Variants in EXOC5 observed in about 807,000 individuals in gnomAD.
EXOC5 encodes SEC10-like 1.
Under a neutral mutation model 90.8 loss-of-function variants are expected in EXOC5, and 17 were observed. The ratio of observed to expected loss-of-function variants is 0.19; its 90% confidence interval spans 0.13 to 0.28. The LOEUF (loss-of-function observed/expected upper bound fraction) is 0.28, where lower values mean the gene tolerates loss of function less well. EXOC5 is among the 10% of genes least tolerant of loss of function. The pLI is 1.00. For missense variants in EXOC5, 569 were observed against 830.6 expected (o/e 0.69, Z 3.87); for synonymous variants, 260 against 270.0 (o/e 0.96, Z 0.36).
At chr14:57,262,745 G>GTATGTATATATATACGTATATATATA (rs1884552649) in intron 1 of EXOC5, among the ~76,000 whole-genome samples, 1 of 147,036 alleles carries the variant, frequency 6.8e-6, no homozygotes, top group African/African-American at 2.6e-5. Flanking sequence ...ATATATGTGT[G>GTATGTATATATATACGTATATATATA]TGTGTATATA....
At position 57,268,429 on chromosome 14, in the gene EXOC5, G is replaced by A; in HGVS notation, c.27+193C>T. Reference sequence around the variant, plus strand: ...GCCGACCGGCCGCCCAGCCCACCTCGGCCCCAAGCACCCCTCCCCCATTTC... The same window carrying A: ...GCCGACCGGCCGCCCAGCCCACCTCAGCCCCAAGCACCCCTCCCCCATTTC... On this transcript the variant is annotated intron_variant, in intron 1 of 17. Transcript: ENST00000621441. The A allele has an allele frequency of 3.5e-6, 5 of 1,439,888 alleles. No homozygotes were observed. The South Asian group carries it at 5.6e-5, about 16-fold the overall frequency. The allele number at this position is 1,439,888 out of a possible 1,614,324, so 89.2% of individuals were successfully genotyped here.
In EXOC5 at chr14:57,262,566, A is replaced by G. The variant is rs529803946; in HGVS notation, c.27+6056T>C. On this transcript the variant is annotated intron_variant, in intron 1 of 17. Coordinates refer to ENST00000621441, the MANE Select transcript of EXOC5 (RefSeq NM_006544.4). ...TGTGTGTGTGTGTGTGTGTGTGTGT[A>G]TATATATATACGTATATATATACAC... 3.9e-3 allele frequency among the ~76,000 whole-genome samples: 550 copies of G among 139,426 alleles called. 5 individuals are homozygous for G. Among genetic ancestry groups the G allele is most frequent in the Non-Finnish European group, 6.2e-3 (392 of 63,380 alleles). The allele number at this position is 139,426 out of a possible 152,430, so 91.5% of individuals were successfully genotyped here. A position where few individuals can be genotyped will look rare whatever the true frequency, so the allele number is the denominator to read the frequency against.
At chr14:57,263,850 C>T (rs1884591499) in intron 1 of EXOC5, among the ~76,000 whole-genome samples, 1 of 151,886 alleles carries the variant, frequency 6.6e-6, no homozygotes, top group South Asian at 2.1e-4. Context: ...ACATACACAT[C>T]CTAACTCTTC....
At chr14:57,222,245 G>T in intron 13 of EXOC5, 63 bp downstream of exon 13, 3 of 757,540 alleles carry the variant, frequency 4.0e-6, no homozygotes, top group Non-Finnish European at 6.6e-6. Context: ...ACAACATTAT[G>T]CATATAGTTT....
In EXOC5 at chr14:57,222,520, G is replaced by C. The variant is rs1404553259; in HGVS notation, c.1297-104C>G. 7.1e-6 allele frequency: 4 copies of C among 560,678 alleles called. No homozygotes were observed. The East Asian group carries it at 1.2e-4, about 17-fold the overall frequency. 34.7% of individuals were successfully genotyped at this position (560,678 alleles called of 1,614,324 possible). A position where few individuals can be genotyped will look rare whatever the true frequency, so the allele number is the denominator to read the frequency against. Reference sequence around the variant, plus strand: ...TTTATAGGATGTAGTCAGTGTTTCAGGTATGAAAATAACTCACAGCTCCCC... The same window carrying C: ...TTTATAGGATGTAGTCAGTGTTTCACGTATGAAAATAACTCACAGCTCCCC... On this transcript the variant is annotated intron_variant, in intron 12 of 17. Transcript: ENST00000621441.
At chr14:57,248,639 T>C (rs753624783) in intron 1 of EXOC5, among the ~76,000 whole-genome samples, 1 of 152,082 alleles carries the variant, frequency 6.6e-6, no homozygotes. Context: ...ATTTACATAC[T>C]TTTCATACTA....
intron 15 of EXOC5, among the ~76,000 whole-genome samples, chr14:57,216,206 A>G (rs183588026): frequency 1.3e-5 from 2 of 151,998 alleles, no homozygotes; most frequent in Admixed American, 6.6e-5. Context: ...GAATATTGTT[A>G]ACCTGTCCAT....
intron 12 of EXOC5, among the ~76,000 whole-genome samples, chr14:57,224,157 T>TA (rs1292473151): frequency 6.6e-6 from 1 of 151,084 alleles, no homozygotes; most frequent in Non-Finnish European, 1.5e-5. Context: ...CTTAGAAAAC[T>TA]AAAAAAACAG....
intron 16 of EXOC5, 69 bp downstream of exon 16, chr14:57,209,884 C>T (rs538240200): frequency 1.7e-6 from 2 of 1,199,314 alleles, no homozygotes; most frequent in South Asian, 2.8e-5. Context: ...AGAAAAAAAT[C>T]TAGGGCACAG....
Position 57,246,867 on chromosome 14 carries a change from G to C in EXOC5, c.123-9C>G. The C allele has an allele frequency of 2.0e-6, 3 of 1,532,334 alleles. No individual in the cohort carries two copies. Among genetic ancestry groups the C allele is most frequent in the Non-Finnish European group, 1.8e-6 (2 of 1,118,440 alleles). The allele number at this position is 1,532,334 out of a possible 1,614,324, so 94.9% of individuals were successfully genotyped here. ...CAAATTCTTCTAATAATCTAACAGA[G>C]GAAAGTTTGAATATGTATCAATCTA... is the stretch of plus-strand genomic sequence containing the variant. On this transcript the variant is annotated splice_polypyrimidine_tract_variant and intron_variant, in intron 2 of 17. Coordinates refer to ENST00000621441, the MANE Select transcript of EXOC5 (RefSeq NM_006544.4).
intron 15 of EXOC5, among the ~76,000 whole-genome samples, chr14:57,210,420 G>A (rs1041311641): frequency 2.0e-5 from 3 of 152,102 alleles, no homozygotes; most frequent in African/African-American, 4.8e-5. Context: ...GGGACCAGAA[G>A]TGTTTTGGAT....
intron 1 of EXOC5, among the ~76,000 whole-genome samples, chr14:57,260,848 G>A (rs1485930825): frequency 2.6e-5 from 4 of 152,116 alleles, no homozygotes; most frequent in Non-Finnish European, 5.9e-5. Flanking sequence ...TTTATAGACT[G>A]TGAAATTACT....
At chr14:57,220,107 T>C (rs1299141302) in intron 13 of EXOC5, among the ~76,000 whole-genome samples, 1 of 152,050 alleles carries the variant, frequency 6.6e-6, no homozygotes, top group Admixed American at 6.6e-5. Flanking sequence ...AAAATATGCA[T>C]AGCTAATGAG....
intron 11 of EXOC5, among the ~76,000 whole-genome samples, chr14:57,230,421 G>A (rs975478127): frequency 7.3e-5 from 10 of 136,802 alleles, no homozygotes; most frequent in African/African-American, 1.4e-4. Flanking sequence ...TGAGACTACC[G>A]TAAACACACA....
intron 15 of EXOC5, among the ~76,000 whole-genome samples, chr14:57,215,408 G>A (rs1882945436): frequency 7.9e-6 from 1 of 127,374 alleles, no homozygotes; most frequent in East Asian, 2.0e-4. Context: ...GATGAATAAA[G>A]ATGTAAAAAA....
chr14:57,229,096 T>C (rs1883400293), intron 12 of EXOC5, among the ~76,000 whole-genome samples: 1 of 152,188 alleles, frequency 6.6e-6, no homozygotes, highest in South Asian at 2.1e-4. Flanking sequence ...CTTTCCCTGA[T>C]GCACCATTTC....
At chr14:57,258,403 T>C (rs1884410158) in intron 1 of EXOC5, among the ~76,000 whole-genome samples, 1 of 152,110 alleles carries the variant, frequency 6.6e-6, no homozygotes, top group Non-Finnish European at 1.5e-5. Context: ...TGCAGGGACA[T>C]GGATGAAACT....
At chr14:57,237,448 A>AC in intron 5 of EXOC5, 82 bp from the exon 6 acceptor site, 1 of 841,414 alleles carries the variant, frequency 1.2e-6, no homozygotes, top group Non-Finnish European at 1.9e-6. Context: ...CAAATGGGAA[A>AC]CTGGGTGCAG....
At chr14:57,209,814 G>C in intron 16 of EXOC5, 32 bp from the exon 17 acceptor site, 1 of 1,456,984 alleles carries the variant, frequency 6.9e-7, no homozygotes, top group South Asian at 1.2e-5. Context: ...CATTACACAG[G>C]AATGTATACC....
Sources: allele counts gnomAD v4.1 joint callset (sites outside exome capture counted in the v4.1 genomes callset), GRCh38; gene constraint gnomAD v4.1.1; transcripts MANE v1.5; gene names NCBI Gene and HGNC (gene_info 2026-07-23, HGNC 2026-07-21).